The following EXOC6 variants were observed in gnomAD, a reference collection of about 807,000 sequenced individuals.
The protein encoded by EXOC6 is SEC15-like 1.
A neutral mutation model predicts 112.5 loss-of-function variants in EXOC6; 60 were observed. The ratio of observed to expected loss-of-function variants is 0.53; its 90% CI spans 0.43 to 0.66. EXOC6 has a LOEUF of 0.66. Among genes scored for constraint, EXOC6 ranks in the 30% least tolerant of loss-of-function variants. The pLI, the probability that EXOC6 is intolerant of heterozygous loss-of-function variation, is 0.00. For synonymous variants in EXOC6, 295 were observed against 308.0 expected, an observed-to-expected ratio of 0.96 and a Z score of 0.44; for missense variants, 855 against 957.1, an observed-to-expected ratio of 0.89 and a Z score of 1.41.
intron 8 of EXOC6, among the ~76,000 whole-genome samples, chr10:92,926,254 TTCAC>T (rs1851712277): frequency 6.6e-6 from 1 of 151,992 alleles, no homozygotes; most frequent in African/African-American, 2.4e-5. Flanking sequence ...TTATGATAAT[TTCAC>T]TCAGAAGAAA....
chr10:93,026,885 T>G (rs72815104), intron 20 of EXOC6, among the ~76,000 whole-genome samples: 39 of 152,290 alleles, frequency 2.6e-4, no homozygotes, highest in Non-Finnish European at 4.6e-4. Context: ...CAGTGGCCTC[T>G]AAGTGTTCAA....
intron 19 of EXOC6, among the ~76,000 whole-genome samples, chr10:93,008,404 C>T (rs778922819): frequency 6.6e-6 from 1 of 151,998 alleles, no homozygotes; most frequent in Non-Finnish European, 1.5e-5. Flanking sequence ...TTTAAAAATA[C>T]CCTTAAAGGC....
chr10:93,013,953 T>C (rs1209461254), intron 19 of EXOC6, among the ~76,000 whole-genome samples: 3 of 152,232 alleles, frequency 2.0e-5, no homozygotes, highest in African/African-American at 7.2e-5. Context: ...AAATTTATTG[T>C]GATTAGGATT....
chr10:92,945,560 A>G (rs1352353303), intron 13 of EXOC6, among the ~76,000 whole-genome samples: 1 of 152,186 alleles, frequency 6.6e-6, no homozygotes, highest in Non-Finnish European at 1.5e-5. Flanking sequence ...AGATCATATT[A>G]AGACTACATT....
intron 1 of EXOC6, among the ~76,000 whole-genome samples, chr10:92,863,650 C>T (rs1015343091): frequency 4.6e-5 from 7 of 151,986 alleles, no homozygotes; most frequent in East Asian, 3.9e-4. Context: ...CGGTGGCTCA[C>T]GCCTGTAATC....
intron 17 of EXOC6, among the ~76,000 whole-genome samples, chr10:92,964,659 A>C (rs1841972996): frequency 6.6e-6 from 1 of 152,216 alleles, no homozygotes; most frequent in Admixed American, 6.5e-5. Context: ...CAGGGTTATT[A>C]ACAGAAAATT....
chr10:92,846,518 T>G (rs1055082009), upstream of EXOC6, among the ~76,000 whole-genome samples: 3 of 152,104 alleles, frequency 2.0e-5, no homozygotes, highest in Non-Finnish European at 2.9e-5. Flanking sequence ...GAAAATAACC[T>G]TTTGAAAATT....
intron 8 of EXOC6, among the ~76,000 whole-genome samples, chr10:92,924,911 A>T (rs975197293): frequency 1.3e-5 from 2 of 152,156 alleles, no homozygotes; most frequent in South Asian, 4.1e-4. Context: ...ATGAGTGAGA[A>T]CATGCAGTAT....
At chr10:92,863,355 T>C (rs1847998186) in intron 1 of EXOC6, among the ~76,000 whole-genome samples, 1 of 152,234 alleles carries the variant, frequency 6.6e-6, no homozygotes, top group Admixed American at 6.5e-5. Flanking sequence ...CCATGCAATT[T>C]TTACTAGAGT....
At chr10:92,923,712 A>G (rs957381398) in intron 8 of EXOC6, among the ~76,000 whole-genome samples, 10 of 152,164 alleles carry the variant, frequency 6.6e-5, no homozygotes, top group African/African-American at 2.2e-4. Context: ...GTGACATACC[A>G]TTACTTCTGC....
rs1357367647 is a variant in EXOC6, at chr10:92,943,180, G to A, written c.1310+2356G>A. 3.3e-5 allele frequency among the ~76,000 whole-genome samples: 5 copies of A among 151,776 alleles called. No individual in the cohort carries two copies. In the South Asian group the frequency reaches 6.2e-4, roughly 19 times the overall value. ...ACTACAGGCGCCCACCACCACGCCC[G>A]GCTAATTTTTTGTACTTTTAGTAGA... On this transcript the variant is annotated intron_variant, in intron 13 of 21. Coordinates refer to ENST00000260762, the MANE Select transcript of EXOC6 (RefSeq NM_019053.6).
intron 13 of EXOC6, among the ~76,000 whole-genome samples, chr10:92,947,425 A>T (rs1351054316): frequency 6.6e-6 from 1 of 152,242 alleles, no homozygotes; most frequent in Non-Finnish European, 1.5e-5. Flanking sequence ...GGGGGTGTAC[A>T]GAAGAGCACA....
In EXOC6 at chr10:92,952,284, A is replaced by G. The variant is rs1853463106; in HGVS notation, c.1428A>G (p.Pro476=). Residue 476 remains proline, a synonymous_variant, in exon 15 of 22, where the codon CCA becomes CCG. Coordinates refer to ENST00000260762, the MANE Select transcript of EXOC6 (RefSeq NM_019053.6). ...QDPDLEKQSF[P]KKFPMSQSVP... ...TTCTTTTTCTACAGCAGTCTTTCCC[A>G]AAGAAATTCCCCATGTCTCAGTCAG... is the stretch of plus-strand genomic sequence containing the variant. 3 of 1,603,728 alleles carry G rather than the reference A, an allele frequency of 1.9e-6. No homozygotes were observed. The highest frequency in any genetic ancestry group is 2.6e-6 in the Non-Finnish European group (3 of 1,174,132).
At chr10:92,933,258 A>G (rs1852154079) in intron 9 of EXOC6, among the ~76,000 whole-genome samples, 2 of 152,268 alleles carry the variant, frequency 1.3e-5, no homozygotes, top group African/African-American at 4.8e-5. Flanking sequence ...ATGTGTCAGT[A>G]TCTTCTAAAC....
intron 1 of EXOC6, among the ~76,000 whole-genome samples, chr10:92,837,065 C>T (rs11187189): frequency 7.9e-4 from 119 of 150,134 alleles, no homozygotes; most frequent in Admixed American, 1.4e-3. Context: ...GCCCTGCCCT[C>T]AGGAATCTTT....
intron 18 of EXOC6, among the ~76,000 whole-genome samples, chr10:92,976,381 C>T (rs1842606027): frequency 6.6e-6 from 1 of 152,130 alleles, no homozygotes; most frequent in Non-Finnish European, 1.5e-5. Context: ...CCTGTGCTCT[C>T]TGAAACATGT....
chr10:92,884,309 A>G lies in EXOC6; in HGVS notation c.102-9040A>G, dbSNP rs117651461. Among the ~76,000 whole-genome samples the G allele has an allele frequency of 4.3e-4, 66 of 152,344 alleles. No homozygotes were observed. The East Asian group carries it at 0.012, about 28-fold the overall frequency. ...ATTCCTGAACAATATTTCTGCTTCT[A>G]GTTTTCCAGTATTTGGAAGTCCATT... On this transcript the variant is annotated intron_variant, in intron 1 of 21. Coordinates refer to ENST00000260762, the MANE Select transcript of EXOC6 (RefSeq NM_019053.6).
At chr10:92,963,825 A>G (rs954598027) in intron 17 of EXOC6, among the ~76,000 whole-genome samples, 7 of 152,114 alleles carry the variant, frequency 4.6e-5, no homozygotes, top group Admixed American at 2.0e-4. Flanking sequence ...CTAGAACTTT[A>G]TGATACTTCA....
At chr10:93,009,793 G>C (rs1277940619) in intron 19 of EXOC6, among the ~76,000 whole-genome samples, 2 of 152,184 alleles carry the variant, frequency 1.3e-5, no homozygotes, top group Non-Finnish European at 2.9e-5. Flanking sequence ...GTGCCCCTAG[G>C]GAAATGATGA....
Sources: allele counts gnomAD v4.1 joint callset (sites outside exome capture counted in the v4.1 genomes callset), GRCh38; gene constraint gnomAD v4.1.1; transcripts MANE v1.5; gene names NCBI Gene and HGNC (gene_info 2026-07-23, HGNC 2026-07-21).